The following ULK2 variants were observed in gnomAD, a reference collection of about 807,000 sequenced individuals.
ULK2 encodes the protein serine/threonine-protein kinase ULK2.
Under a neutral mutation model 127.5 loss-of-function variants are expected in ULK2, and 76 were observed. The observed-to-expected ratio is 0.60, with a 90% CI of 0.50 to 0.72. The LOEUF (loss-of-function observed/expected upper bound fraction) is 0.72. Among genes scored for constraint, ULK2 ranks in the 30% least tolerant of loss-of-function variants. The probability of loss-of-function intolerance (pLI) is 0.00; values close to 1 mark genes in which losing one functional copy is unlikely to be tolerated. For missense variants in ULK2, 1,144 were observed against 1,295.9 expected (o/e 0.88, Z 1.80); for synonymous variants, 452 against 461.9 (o/e 0.98, Z 0.28).
chr17:19,807,548 A>G (rs1338587058), intron 14 of ULK2, among the ~76,000 whole-genome samples: 2 of 152,210 alleles, frequency 1.3e-5, no homozygotes, highest in African/African-American at 2.4e-5. Context: ...TGAAGGCACT[A>G]TTACTAAGAA....
intron 13 of ULK2, among the ~76,000 whole-genome samples, chr17:19,812,717 A>G (rs1353092210): frequency 6.6e-6 from 1 of 152,268 alleles, no homozygotes; most frequent in Non-Finnish European, 1.5e-5. Context: ...TACTGAATGC[A>G]TATCATTCTC....
At chr17:19,828,021 G>A (rs532673861) in intron 10 of ULK2, among the ~76,000 whole-genome samples, 1 of 152,194 alleles carries the variant, frequency 6.6e-6, no homozygotes, top group Non-Finnish European at 1.5e-5. Context: ...AAGCAAGAGA[G>A]AAGCAACTTG....
rs75993336 is a variant in ULK2 at position 19,774,031 on chromosome 17, T to C, written c.*2318A>G. On this transcript the variant is annotated 3_prime_UTR_variant, in exon 27 of 27. Transcript: ENST00000395544. ...GGAGGGTATAGTTAAAGCAAACCCTTAGAGCAGGAATAGCTGGTCAGCAAT... is the reference window on the plus strand; with the variant it reads ...GGAGGGTATAGTTAAAGCAAACCCTCAGAGCAGGAATAGCTGGTCAGCAAT... 1 of 152,474 alleles carries C rather than the reference T, an allele frequency of 6.6e-6. No individual in the cohort carries two copies. The highest frequency in any genetic ancestry group is 1.9e-4 in the East Asian group (1 of 5,178). 9.4% of individuals were successfully genotyped at this position (152,474 alleles called of 1,614,324 possible). A position where few individuals can be genotyped will look rare whatever the true frequency, so the allele number is the denominator to read the frequency against.
In ULK2 at chr17:19,773,995, T is replaced by TACAGC. The variant is rs201216958; in HGVS notation, c.*2353_*2354insGCTGT. On this transcript the variant is annotated 3_prime_UTR_variant, in exon 27 of 27. Coordinates refer to ENST00000395544, the MANE Select transcript of ULK2 (RefSeq NM_014683.4). ...ATACAGCATAGGCTCTCTCTCTATA[T>TACAGC]ATAGTCCAGTGGAGGGTATAGTTAA... 0.034 allele frequency: 5,016 copies of TACAGC among 148,282 alleles called. 106 individuals are homozygous for TACAGC. The highest frequency in any genetic ancestry group is 0.058 in the Middle Eastern group (17 of 294). 9.2% of individuals were successfully genotyped at this position (148,282 alleles called of 1,614,324 possible). A position where few individuals can be genotyped will look rare whatever the true frequency, so the allele number is the denominator to read the frequency against.
At chr17:19,821,984 C>T (rs1312989798) in intron 12 of ULK2, among the ~76,000 whole-genome samples, 1 of 151,668 alleles carries the variant, frequency 6.6e-6, no homozygotes, top group Non-Finnish European at 1.5e-5. Context: ...GCACACCCAG[C>T]TGACCTTATC....
At chr17:19,857,448 T>C (rs2042158137) in intron 3 of ULK2, among the ~76,000 whole-genome samples, 1 of 152,218 alleles carries the variant, frequency 6.6e-6, no homozygotes, top group African/African-American at 2.4e-5. Context: ...GAGACTGTTA[T>C]TGTTTACTTT....
chr17:19,790,709 C>A (rs1449216971), intron 20 of ULK2, among the ~76,000 whole-genome samples: 1 of 152,198 alleles, frequency 6.6e-6, no homozygotes, highest in South Asian at 2.1e-4. Context: ...TTAAAAGACA[C>A]TGAGTGGCTG....
chr17:19,854,022 G>A (rs2042073465), intron 3 of ULK2, among the ~76,000 whole-genome samples: 1 of 152,066 alleles, frequency 6.6e-6, no homozygotes, highest in Non-Finnish European at 1.5e-5. Context: ...ATTCTGGCCA[G>A]GCACAGTGGC....
At chr17:19,867,247 C>T (rs1305626882) in intron 1 of ULK2, 81 bp downstream of exon 1, 110 of 1,186,810 alleles carry the variant, frequency 9.3e-5, no homozygotes, top group Non-Finnish European at 1.2e-4. Flanking sequence ...GGGGTCTCGG[C>T]TCGCGGCTGC....
intron 10 of ULK2, among the ~76,000 whole-genome samples, chr17:19,833,784 A>T (rs2041523190): frequency 6.6e-6 from 1 of 152,234 alleles, no homozygotes; most frequent in Non-Finnish European, 1.5e-5. Flanking sequence ...AAAGGAAAAA[A>T]CAATATGGAA....
chr17:19,814,449 T>TGTTGTTGTTGTTGTTG (rs1567696658), intron 13 of ULK2, among the ~76,000 whole-genome samples: 2 of 52,890 alleles, frequency 3.8e-5, no homozygotes, highest in African/African-American at 1.6e-4. Context: ...TTTTTTTTTT[T>TGTTGTTGTTGTTGTTG]TTTTTTTTTT....
chr17:19,771,005 G>A lies in ULK2; in HGVS notation c.*5344C>T, dbSNP rs1296122953. 6.6e-6 allele frequency: 1 copy of A among 152,252 alleles called. No homozygotes were observed. Among genetic ancestry groups the A allele is most frequent in the African/African-American group, 2.4e-5 (1 of 41,460 alleles). The allele number at this position is 152,252 out of a possible 1,614,324, so 9.4% of individuals were successfully genotyped here. A position where few individuals can be genotyped will look rare whatever the true frequency, so the allele number is the denominator to read the frequency against. ...AAATTTTGCTGCCTTCCACTAGGCA[G>A]ATGGGTCCAGCAGGAGACATTGGAG... On this transcript the variant is annotated 3_prime_UTR_variant, in exon 27 of 27. Transcript: ENST00000395544.
chr17:19,863,760 C>T (rs2042293904), intron 3 of ULK2, among the ~76,000 whole-genome samples: 1 of 151,976 alleles, frequency 6.6e-6, no homozygotes, highest in South Asian at 2.1e-4. Flanking sequence ...GCAATTTTCT[C>T]CAATGCTGAG....
intron 9 of ULK2, chr17:19,840,529 G>T: frequency 2.4e-6 from 1 of 420,760 alleles, no homozygotes; most frequent in South Asian, 2.1e-5. Context: ...TGTCAATGAT[G>T]ACTATATGTA....
At chr17:19,847,776 T>C (rs1005204373) in intron 5 of ULK2, among the ~76,000 whole-genome samples, 1 of 152,224 alleles carries the variant, frequency 6.6e-6, no homozygotes, top group Non-Finnish European at 1.5e-5. Context: ...CTTGAACTCC[T>C]GACCTAAGTG....
chr17:19,782,067 G>T lies in ULK2; in HGVS notation c.2461C>A (p.Arg821=). ...TGGCGTAAGGTGTCTGTGTGTTCCC[G>T]CTGCAGCAAAGTCAATTTGTCTTAG... The part of the protein sequence containing the change: ...PELPEETLME[R]EHTDTLRHLN... The change falls in exon 23 of 27, where the codon CGG becomes AGG. Residue 821 remains arginine (R), a splice_region_variant and synonymous_variant. Transcript: ENST00000395544. The T allele has an allele frequency of 6.2e-7, 1 of 1,612,548 alleles. No individual in the cohort carries two copies. Among genetic ancestry groups the T allele is most frequent in the South Asian group, 1.1e-5 (1 of 90,800 alleles).
intron 3 of ULK2, among the ~76,000 whole-genome samples, chr17:19,863,214 CAA>C (rs568713423): frequency 7.9e-6 from 1 of 125,820 alleles, no homozygotes. Flanking sequence ...AGACTGTCTC[CAA>C]AAAAAAAAAA....
chr17:19,826,150 G>A lies in ULK2; in HGVS notation c.824C>T (p.Pro275Leu). 6.8e-7 allele frequency: 1 copy of A among 1,463,166 alleles called. No homozygotes were observed. The highest frequency in any genetic ancestry group is 9.1e-7 in the Non-Finnish European group (1 of 1,096,750). The allele number at this position is 1,463,166 out of a possible 1,614,324, so 90.6% of individuals were successfully genotyped here. A position where few individuals can be genotyped will look rare whatever the true frequency, so the allele number is the denominator to read the frequency against. Residue 275 changes from proline to leucine, a missense_variant, in exon 11 of 27, where the codon CCA becomes CTA. Around this residue, in one of 2 missense-constraint regions of ULK2, gnomAD observed 913 missense variants for 970.5 expected, o/e 0.94. Coordinates refer to ENST00000395544, the MANE Select transcript of ULK2 (RefSeq NM_014683.4). ...FFSHPFLEQG[P>L]VKKSCPVPVP... is the part of the protein sequence containing the mutation. ...AAATGGATACTCACATTTTTTTACTGGACCTTGCTCAAGAAAAGGATGGCT... is the reference window on the plus strand; with the variant it reads ...AAATGGATACTCACATTTTTTTACTAGACCTTGCTCAAGAAAAGGATGGCT...
At chr17:19,797,893 T>C (rs890899558) in intron 17 of ULK2, among the ~76,000 whole-genome samples, 1 of 152,206 alleles carries the variant, frequency 6.6e-6, no homozygotes, top group Non-Finnish European at 1.5e-5. Context: ...AGACAGAATT[T>C]AATGATTACA....
Sources: allele counts gnomAD v4.1 joint callset (sites outside exome capture counted in the v4.1 genomes callset), GRCh38; gene constraint gnomAD v4.1.1; regional missense constraint gnomAD v4.1.1; transcripts MANE v1.5; gene names NCBI Gene and HGNC (gene_info 2026-07-23, HGNC 2026-07-21).